DGKH: variants seen among roughly 807,000 people sequenced by gnomAD.
DGKH encodes the protein DAG kinase eta.
Under a neutral mutation model 159.3 loss-of-function variants are expected in DGKH, and 90 were observed. That is an observed-to-expected ratio of 0.57 (90% CI 0.48 to 0.67). The LOEUF is 0.67. Ranked by LOEUF, DGKH falls within the 30% of genes least tolerant of loss-of-function variation. The pLI, the probability that DGKH is intolerant of heterozygous loss-of-function variation, is 0.00. For missense variants in DGKH, 1,181 were observed against 1,506.1 expected, an observed-to-expected ratio of 0.78 and a Z score of 3.57; for synonymous variants, 536 against 553.8, an observed-to-expected ratio of 0.97 and a Z score of 0.45.
intron 13 of DGKH, among the ~76,000 whole-genome samples, chr13:42,182,489 G>A (rs1411707409): frequency 6.6e-6 from 1 of 152,106 alleles, no homozygotes; most frequent in Non-Finnish European, 1.5e-5. Flanking sequence ...AAATGCCATA[G>A]TATTTGCATA....
Position 42,233,951 on chromosome 13 carries a change from A to C in DGKH, c.*4763A>C, listed in dbSNP as rs899873475. 2.0e-5 allele frequency: 3 copies of C among 152,248 alleles called. No homozygotes were observed. Among genetic ancestry groups the C allele is most frequent in the Non-Finnish European group, 4.4e-5 (3 of 68,050 alleles). 9.4% of individuals were successfully genotyped at this position (152,248 alleles called of 1,614,324 possible). On this transcript the variant is annotated 3_prime_UTR_variant, in exon 30 of 30. Transcript: ENST00000337343. ...AATGAATTGTTAGTCATGCAAAAAAAGAAAAGGAATGAACCAAGATGATTG... is the reference window on the plus strand; with the variant it reads ...AATGAATTGTTAGTCATGCAAAAAACGAAAAGGAATGAACCAAGATGATTG...
chr13:42,173,464 T>G (rs1215280429), intron 11 of DGKH, among the ~76,000 whole-genome samples: 1 of 152,208 alleles, frequency 6.6e-6, no homozygotes, highest in Non-Finnish European at 1.5e-5. Context: ...AGTTAAGTAT[T>G]ATTAATATTT....
intron 29 of DGKH, among the ~76,000 whole-genome samples, chr13:42,248,449 A>T (rs1043614629): frequency 3.4e-5 from 5 of 147,582 alleles, no homozygotes; most frequent in African/African-American, 1.2e-4. Flanking sequence ...TATAATATAG[A>T]TATACATAAG....
chr13:42,230,331 A>C lies in DGKH; in HGVS notation c.*1143A>C, dbSNP rs1958255504. ...CAGAAGGGATTTAAATTTTTTCTTA[A>C]GGGCTTTATGTTGTTATTATTATTA... On this transcript the variant is annotated 3_prime_UTR_variant, in exon 30 of 30. Transcript: ENST00000337343. 6 of 152,090 alleles carry C rather than the reference A, an allele frequency of 3.9e-5. No individual in the cohort carries two copies. Among genetic ancestry groups the C allele is most frequent in the Admixed American group, 3.9e-4 (6 of 15,256 alleles). 9.4% of individuals were successfully genotyped at this position (152,090 alleles called of 1,614,324 possible). A position where few individuals can be genotyped will look rare whatever the true frequency, so the allele number is the denominator to read the frequency against.
chr13:42,193,167 A>G (rs1957125207), intron 16 of DGKH, among the ~76,000 whole-genome samples: 2 of 152,194 alleles, frequency 1.3e-5, no homozygotes, highest in South Asian at 4.1e-4. Flanking sequence ...AGAGATGACA[A>G]TGGCATCCTT....
chr13:42,129,107 G>C (rs1955233988), intron 2 of DGKH, among the ~76,000 whole-genome samples: 1 of 152,202 alleles, frequency 6.6e-6, no homozygotes, highest in Admixed American at 6.5e-5. Context: ...AGGAAAATAA[G>C]GTTCAGAAGG....
At chr13:42,058,329 A>G (rs532458076) in intron 1 of DGKH, among the ~76,000 whole-genome samples, 1 of 152,334 alleles carries the variant, frequency 6.6e-6, no homozygotes, top group African/African-American at 2.4e-5. Flanking sequence ...GACCTACTGT[A>G]CATCATTTCA....
chr13:42,151,484 TGTG>T, intron 3 of DGKH, among the ~76,000 whole-genome samples: 1 of 135,424 alleles, frequency 7.4e-6, no homozygotes, highest in African/African-American at 2.7e-5. Flanking sequence ...CCATGGTGTG[TGTG>T]TGTGTGTGTG....
chr13:42,117,614 G>GATCT (rs1954988326), intron 1 of DGKH, among the ~76,000 whole-genome samples: 1 of 152,060 alleles, frequency 6.6e-6, no homozygotes, highest in Non-Finnish European at 1.5e-5. Context: ...GTAACATAGA[G>GATCT]AGGTTTGTAG....
chr13:42,198,369 A>G, intron 17 of DGKH, 109 bp from the exon 18 acceptor site: 1 of 883,090 alleles, frequency 1.1e-6, no homozygotes, highest in Admixed American at 2.6e-5. Context: ...TAAGGCACTG[A>G]AAACCTTGCT....
intron 3 of DGKH, among the ~76,000 whole-genome samples, chr13:42,152,476 T>C (rs1191078529): frequency 1.3e-5 from 2 of 149,828 alleles, no homozygotes; most frequent in African/African-American, 4.9e-5. Flanking sequence ...TACATACACA[T>C]GTATACACAC....
At chr13:42,244,185 C>A (rs1218521905), downstream of DGKH, among the ~76,000 whole-genome samples, 1 of 152,074 alleles carries the variant, frequency 6.6e-6, no homozygotes, top group South Asian at 2.1e-4. Flanking sequence ...GAGAGAGGTA[C>A]GGGAGGGAAA....
chr13:42,106,813 G>A (rs1954768288), intron 1 of DGKH, among the ~76,000 whole-genome samples: 1 of 152,158 alleles, frequency 6.6e-6, no homozygotes, highest in Non-Finnish European at 1.5e-5. Context: ...GAAGGCCGAG[G>A]CGGGTGGATC....
intron 16 of DGKH, among the ~76,000 whole-genome samples, chr13:42,192,531 C>T (rs994850851): frequency 1.1e-4 from 16 of 152,106 alleles, no homozygotes; most frequent in South Asian, 6.2e-4. Flanking sequence ...GGAGCTATTT[C>T]TCCTCTTCCT....
chr13:42,109,443 T>C (rs991148272), intron 1 of DGKH, among the ~76,000 whole-genome samples: 1 of 152,190 alleles, frequency 6.6e-6, no homozygotes, highest in African/African-American at 2.4e-5. Flanking sequence ...GATGGACGAT[T>C]ACACCACAAC....
At chr13:42,176,693 A>T (rs1165998719) in intron 12 of DGKH, among the ~76,000 whole-genome samples, 1 of 152,230 alleles carries the variant, frequency 6.6e-6, no homozygotes, top group East Asian at 1.9e-4. Context: ...TCTTCAAATA[A>T]GTCTGAATAA....
At chr13:42,211,293 G>A (rs1366595970) in intron 24 of DGKH, among the ~76,000 whole-genome samples, 3 of 152,100 alleles carry the variant, frequency 2.0e-5, no homozygotes, top group Non-Finnish European at 1.5e-5. Context: ...GTTTCAATAG[G>A]GTGTGTGAAG....
intron 3 of DGKH, among the ~76,000 whole-genome samples, chr13:42,149,495 C>T (rs1478865376): frequency 6.6e-6 from 1 of 152,190 alleles, no homozygotes; most frequent in African/African-American, 2.4e-5. Flanking sequence ...TATTTCATTT[C>T]TGTTTCCTGG....
At chr13:42,246,518 C>T (rs916548109), downstream of DGKH, among the ~76,000 whole-genome samples, 2 of 152,178 alleles carry the variant, frequency 1.3e-5, no homozygotes, top group Non-Finnish European at 1.5e-5. Flanking sequence ...ATTTAATCCT[C>T]ATACCAACCC....
Sources: gnomAD v4.1 joint callset for allele counts (sites outside exome capture counted in the v4.1 genomes callset) on GRCh38, gnomAD v4.1.1 for gene constraint, MANE v1.5 for transcripts, NCBI Gene and HGNC (gene_info 2026-07-23, HGNC 2026-07-21) for gene names.